Variants in DYNC2H1 observed in about 807,000 individuals in gnomAD.
DYNC2H1 encodes cytoplasmic dynein 2 heavy chain 1.
DYNC2H1 carries 410 observed loss-of-function variants against 570.0 expected under a neutral mutation model. That is an observed-to-expected ratio of 0.72 (90% CI 0.66 to 0.78). The LOEUF (loss-of-function observed/expected upper bound fraction) is 0.78. DYNC2H1 is among the 30% of genes least tolerant of loss of function. DYNC2H1 has a pLI of 0.00. For synonymous variants in DYNC2H1, 1,688 were observed against 1,677.6 expected, an observed-to-expected ratio of 1.01 and a Z score of -0.15; for missense variants, 4,865 against 5,046.4, an observed-to-expected ratio of 0.96 and a Z score of 1.09.
At position 103,113,673 on chromosome 11, in the gene DYNC2H1, C is replaced by A; in HGVS notation, c.332C>A (p.Ala111Glu). 1 of 1,564,592 alleles carries A rather than the reference C, an allele frequency of 6.4e-7. No individual in the cohort carries two copies. Among genetic ancestry groups the A allele is most frequent in the Non-Finnish European group, 8.6e-7 (1 of 1,163,078 alleles). ...TCACCTATTAGTTCTCTTTACCAAGCAGTACGGCAAGTATTCGCACCAATG... is the reference window on the plus strand; with the variant it reads ...TCACCTATTAGTTCTCTTTACCAAGAAGTACGGCAAGTATTCGCACCAATG... ...LESPISSLYQ[A>E]VRQVFAPMLL... is the part of the protein sequence containing the mutation. The change falls in exon 2 of 89, where the codon GCA becomes GAA. Residue 111 changes from alanine (A) to glutamate (E), a missense_variant. By Grantham distance (107) the Ala-to-Glu change is moderately radical (BLOSUM62 -1). Transcript: ENST00000375735.
rs758569567 is a variant in DYNC2H1, at chr11:103,187,396, A to G, written c.6950A>G (p.His2317Arg). Residue 2317 changes from histidine (H) to arginine (R), a missense_variant, in exon 43 of 89, where the codon CAC becomes CGC. By Grantham distance (29) the His-to-Arg change is conservative. Coordinates refer to ENST00000375735, the MANE Select transcript of DYNC2H1 (RefSeq NM_001377.3). Reference protein sequence around the residue: ...QLRSTQIATVHCSAQTTSRHL... With the variant: ...QLRSTQIATVRCSAQTTSRHL... The stretch of plus-strand genomic sequence containing the variant: ...CGGTCCACTCAAATTGCTACAGTTC[A>G]CTGTAGTGCACAAACCACTTCTCGA... The G allele has an allele frequency of 1.3e-5, 21 of 1,613,208 alleles. No homozygotes were observed. The highest frequency in any genetic ancestry group is 1.6e-5 in the Non-Finnish European group (19 of 1,179,416).
chr11:103,408,724 GGA>G (rs1052798575), intron 84 of DYNC2H1, among the ~76,000 whole-genome samples: 1 of 151,938 alleles, frequency 6.6e-6, no homozygotes, highest in African/African-American at 2.4e-5. Flanking sequence ...CTCTAGAATA[GGA>G]TTACACTGTT....
Position 103,461,951 on chromosome 11 carries a change from AATGT to A in DYNC2H1, c.12648+5598_12648+5601del. Reference sequence around the variant, plus strand: ...TAAAAATATTTTTTTTCTTAAATATAATGTATTATCACAAATATCAAAATTAAAA... The same window carrying A: ...TAAAAATATTTTTTTTCTTAAATATAATTATCACAAATATCAAAATTAAAA... On this transcript the variant is annotated intron_variant, in intron 87 of 88. Coordinates refer to ENST00000375735, the MANE Select transcript of DYNC2H1 (RefSeq NM_001377.3). This position sits in a 1 kb window ranked among gnomAD's most constrained non-coding sequence, Gnocchi z 4.8. 6.6e-6 allele frequency among the ~76,000 whole-genome samples: 1 copy of A among 152,086 alleles called. No homozygotes were observed. Among genetic ancestry groups the A allele is most frequent in the African/African-American group, 2.4e-5 (1 of 41,436 alleles).
intron 20 of DYNC2H1, 25 bp from the exon 21 acceptor site, chr11:103,152,111 T>TTG: frequency 3.4e-6 from 4 of 1,191,022 alleles, no homozygotes; most frequent in Non-Finnish European, 4.6e-6. Context: ...GTTATTCAAT[T>TTG]TGTTTTTTTT....
At chr11:103,464,967 C>T (rs1473851541) in intron 87 of DYNC2H1, among the ~76,000 whole-genome samples, 4 of 152,034 alleles carry the variant, frequency 2.6e-5, no homozygotes, top group Admixed American at 1.3e-4. Flanking sequence ...AGCTGAAAAT[C>T]TAAACAGCAA....
Position 103,163,452 on chromosome 11 carries a change from GT to G in DYNC2H1, c.4611+306del, listed in dbSNP as rs1216008689. 2.6e-5 allele frequency among the ~76,000 whole-genome samples: 4 copies of G among 152,106 alleles called. No homozygotes were observed. The highest frequency in any genetic ancestry group is 2.6e-4 in the Admixed American group (4 of 15,248). On this transcript the variant is annotated intron_variant, in intron 30 of 88. Coordinates refer to ENST00000375735, the MANE Select transcript of DYNC2H1 (RefSeq NM_001377.3). This position sits in a 1 kb window ranked among gnomAD's most constrained non-coding sequence, Gnocchi z 4.6. ...GAATCACAGGATCTATAACACTGTTGTCCCCTACCCGTCCATCCCTCCCATG... is the reference window on the plus strand; with the variant it reads ...GAATCACAGGATCTATAACACTGTTGCCCCTACCCGTCCATCCCTCCCATG...
At position 103,299,926 on chromosome 11, in the gene DYNC2H1, C is replaced by T. The variant is rs1866977135; in HGVS notation, c.11096-3167C>T. On this transcript the variant is annotated intron_variant, in intron 75 of 88. Transcript: ENST00000375735. The surrounding 1 kb of genome is among the most constrained non-coding windows in gnomAD (Gnocchi z 4.5). Reference sequence around the variant, plus strand: ...TATTCCATTTCTAAAGTGCAGTTTCCCATTTAATTGGTTCATATATATTGG... The same window carrying T: ...TATTCCATTTCTAAAGTGCAGTTTCTCATTTAATTGGTTCATATATATTGG... 2.0e-5 allele frequency among the ~76,000 whole-genome samples: 3 copies of T among 151,802 alleles called. 1 individual carries two copies. The highest frequency in any genetic ancestry group is 2.0e-4 in the Admixed American group (3 of 15,198).
intron 88 of DYNC2H1, among the ~76,000 whole-genome samples, chr11:103,473,252 T>C (rs1393225619): frequency 6.6e-6 from 1 of 151,658 alleles, no homozygotes; most frequent in Non-Finnish European, 1.5e-5. Context: ...ATAATATAAC[T>C]GACATTCACA....
intron 6 of DYNC2H1, among the ~76,000 whole-genome samples, chr11:103,119,401 G>A (rs1858579416): frequency 6.6e-6 from 1 of 152,088 alleles, no homozygotes; most frequent in African/African-American, 2.4e-5. Flanking sequence ...GTACAGTGAG[G>A]TGATCTTGGC....
rs1862636094 is a variant in DYNC2H1 at position 103,199,598 on chromosome 11, A to T, written c.8088+122A>T. Reference sequence around the variant, plus strand: ...TTTTAAAGAACATCTTTAAAGAACTAAAGTTCTCTGTTATACAATGTAGTC... The same window carrying T: ...TTTTAAAGAACATCTTTAAAGAACTTAAGTTCTCTGTTATACAATGTAGTC... On this transcript the variant is annotated intron_variant, in intron 49 of 88. Transcript: ENST00000375735. This position sits in a 1 kb window ranked among gnomAD's most constrained non-coding sequence, Gnocchi z 4.6. The T allele has an allele frequency of 1.1e-6, 1 of 948,262 alleles. No individual in the cohort carries two copies. Among genetic ancestry groups the T allele is most frequent in the Non-Finnish European group, 1.4e-6 (1 of 692,460 alleles). 58.7% of individuals were successfully genotyped at this position (948,262 alleles called of 1,614,324 possible).
At position 103,188,514 on chromosome 11, in the gene DYNC2H1, A is replaced by G; in HGVS notation, c.7158A>G (p.Gly2386=). Residue 2386 remains glycine, a synonymous_variant, in exon 44 of 89, where the codon GGA becomes GGG. Transcript: ENST00000375735. ...AFLQQVLTYQ[G]FYDENLEWVG... Reference sequence around the variant, plus strand: ...TCAAATAGGTATTGACGTATCAAGGATTTTATGATGAAAATTTGGAATGGG... The same window carrying G: ...TCAAATAGGTATTGACGTATCAAGGGTTTTATGATGAAAATTTGGAATGGG... The G allele has an allele frequency of 6.2e-7, 1 of 1,605,700 alleles. No individual in the cohort carries two copies. Among genetic ancestry groups the G allele is most frequent in the Non-Finnish European group, 8.5e-7 (1 of 1,174,404 alleles).
At chr11:103,198,192 G>A (rs1203206329) in intron 48 of DYNC2H1, 129 bp downstream of exon 48, 4 of 1,083,186 alleles carry the variant, frequency 3.7e-6, no homozygotes, top group Non-Finnish European at 5.2e-6. Context: ...CTTATCTTTT[G>A]GAATTTAGTC....
rs541263053 is a variant in DYNC2H1, at chr11:103,350,902, A to G, written c.12040-7341A>G. Among the ~76,000 whole-genome samples, 7 of 152,188 alleles carry G rather than the reference A, an allele frequency of 4.6e-5. No individual in the cohort carries two copies. The South Asian group carries it at 1.5e-3, about 32-fold the overall frequency. ...GGCCACTTCTCCAAACACAGCCATA[A>G]TGGGAGTTAGGGCCTCAACAGATGG... On this transcript the variant is annotated intron_variant, in intron 82 of 88. Coordinates refer to ENST00000375735, the MANE Select transcript of DYNC2H1 (RefSeq NM_001377.3).
At chr11:103,391,308 A>C (rs891794127) in intron 83 of DYNC2H1, among the ~76,000 whole-genome samples, 1 of 152,202 alleles carries the variant, frequency 6.6e-6, no homozygotes, top group African/African-American at 2.4e-5. Flanking sequence ...AAGCTTGTGC[A>C]TTCATCACGT....
intron 39 of DYNC2H1, among the ~76,000 whole-genome samples, chr11:103,180,817 C>T (rs957064726): frequency 6.6e-6 from 1 of 151,384 alleles, no homozygotes; most frequent in Non-Finnish European, 1.5e-5. Flanking sequence ...TTTGGTTGGC[C>T]TACTTTGGGC....
At chr11:103,272,422 G>A (rs1015562074) in intron 70 of DYNC2H1, among the ~76,000 whole-genome samples, 50 of 152,138 alleles carry the variant, frequency 3.3e-4, no homozygotes, top group African/African-American at 1.0e-3. Flanking sequence ...AGGGCCTGTC[G>A]TGGGGTGGGG....
chr11:103,409,715 C>G (rs1943004089), intron 84 of DYNC2H1: 1 of 154,826 alleles, frequency 6.5e-6, no homozygotes, highest in Admixed American at 6.5e-5. Context: ...AGGTTTGTCA[C>G]TGCTACTCAT....
intron 6 of DYNC2H1, among the ~76,000 whole-genome samples, chr11:103,119,974 T>C (rs993643497): frequency 1.3e-5 from 2 of 152,194 alleles, no homozygotes; most frequent in East Asian, 3.9e-4. Context: ...AATTTTTAGC[T>C]CAAAATACAA....
rs191987589 is a variant in DYNC2H1, at chr11:103,264,975, G to A, written c.10695+4998G>A. Among the ~76,000 whole-genome samples the A allele has an allele frequency of 6.6e-5, 10 of 152,214 alleles. No individual in the cohort carries two copies. Among genetic ancestry groups the A allele is most frequent in the Admixed American group, 3.3e-4 (5 of 15,288 alleles). On this transcript the variant is annotated intron_variant, in intron 70 of 88. Transcript: ENST00000375735. The surrounding 1 kb of genome is among the most constrained non-coding windows in gnomAD (Gnocchi z 4.8). ...GATTGTATATTTAGAAAACCCCATC[G>A]TCTCAGCCCAAAAGCTCCTTAAGCT...
Sources: allele counts gnomAD v4.1 joint callset (sites outside exome capture counted in the v4.1 genomes callset), GRCh38; gene constraint gnomAD v4.1.1; non-coding constraint Gnocchi (gnomAD v3.1); transcripts MANE v1.5; gene names NCBI Gene and HGNC (gene_info 2026-07-23, HGNC 2026-07-21).